Variants in ERAP1 observed in about 807,000 individuals in gnomAD.
The protein encoded by ERAP1 is adipocyte-derived leucine aminopeptidase.
Under a neutral mutation model 103.7 loss-of-function variants are expected in ERAP1, and 86 were observed. The ratio of observed to expected loss-of-function variants is 0.83; its 90% CI spans 0.70 to 0.99. The LOEUF is 0.99. ERAP1 is among the 50% of genes least tolerant of loss of function. ERAP1 has a pLI of 0.00. For synonymous variants in ERAP1, 398 were observed against 402.4 expected (o/e 0.99, Z 0.13); for missense variants, 1,009 against 1,128.4 (o/e 0.89, Z 1.52).
the ERAP1 span, among the ~76,000 whole-genome samples, chr5:96,834,869 A>G: frequency 3.3e-5 from 5 of 152,364 alleles, no homozygotes; most frequent in East Asian, 9.6e-4. Flanking sequence ...TTACACAAAG[A>G]AACACTGCAT....
At chr5:96,925,037 A>G in the ERAP1 span, among the ~76,000 whole-genome samples, 1 of 152,232 alleles carries the variant, frequency 6.6e-6, no homozygotes, top group African/African-American at 2.4e-5. Context: ...CCTAGGGCTT[A>G]GATGCCAACT....
At chr5:96,786,667 T>C (rs764154080) in intron 11 of ERAP1, 118 bp from the exon 12 acceptor site, 4 of 694,976 alleles carry the variant, frequency 5.8e-6, no homozygotes, top group Non-Finnish European at 1.0e-5. Context: ...CCAAAACTGC[T>C]ACAGCCAAGC....
At chr5:96,815,414 ATT>A in the ERAP1 span, among the ~76,000 whole-genome samples, 1 of 141,240 alleles carries the variant, frequency 7.1e-6, no homozygotes, top group Admixed American at 7.2e-5. Flanking sequence ...TTTGTTTTTT[ATT>A]TTTTTTTTTT....
At chr5:96,812,052 T>C (rs1015899497), upstream of ERAP1, among the ~76,000 whole-genome samples, 3 of 152,250 alleles carry the variant, frequency 2.0e-5, no homozygotes, top group Non-Finnish European at 4.4e-5. Flanking sequence ...TTTGTATTTC[T>C]TTCATCACTA....
intron 1 of ERAP1, among the ~76,000 whole-genome samples, chr5:96,806,305 C>T (rs1368928984): frequency 6.6e-6 from 1 of 152,082 alleles, no homozygotes; most frequent in Non-Finnish European, 1.5e-5. Flanking sequence ...AAAGAAAGCT[C>T]TCAAAAACAG....
chr5:96,895,278 G>A, the ERAP1 span: 20 of 1,612,606 alleles, frequency 1.2e-5, no homozygotes, highest in South Asian at 2.0e-4. Context: ...TGGAATGGTG[G>A]AATGATATTT....
the ERAP1 span, among the ~76,000 whole-genome samples, chr5:96,924,624 C>G: frequency 2.0e-5 from 3 of 148,272 alleles, no homozygotes; most frequent in African/African-American, 7.5e-5. Context: ...GAAATGTAGT[C>G]TTGCTGTTGC....
chr5:96,900,150 T>C, the ERAP1 span: 1 of 1,613,890 alleles, frequency 6.2e-7, no homozygotes, highest in East Asian at 2.2e-5. Context: ...TTACATCTGG[T>C]GGAGTTTGTC....
chr5:96,777,266 G>A (rs1265986842), intron 18 of ERAP1, among the ~76,000 whole-genome samples: 2 of 152,154 alleles, frequency 1.3e-5, no homozygotes, highest in East Asian at 1.9e-4. Context: ...ACCATTGTGC[G>A]ATTCTGTTTC....
chr5:96,926,436 C>T, the ERAP1 span, among the ~76,000 whole-genome samples: 10 of 152,162 alleles, frequency 6.6e-5, no homozygotes, highest in Admixed American at 2.0e-4. Flanking sequence ...TAACAAAAAA[C>T]CCTATACTTA....
chr5:96,830,899 G>A, the ERAP1 span, among the ~76,000 whole-genome samples: 1 of 152,138 alleles, frequency 6.6e-6, no homozygotes, highest in Non-Finnish European at 1.5e-5. Flanking sequence ...CAGGATCCCT[G>A]CAAATACCAA....
chr5:96,858,508 A>C, the ERAP1 span, among the ~76,000 whole-genome samples: 1 of 152,170 alleles, frequency 6.6e-6, no homozygotes, highest in Non-Finnish European at 1.5e-5. Flanking sequence ...ATTGTAAATT[A>C]TTCTTCACTT....
chr5:96,881,802 A>G, the ERAP1 span, among the ~76,000 whole-genome samples: 1 of 152,164 alleles, frequency 6.6e-6, no homozygotes, highest in African/African-American at 2.4e-5. Flanking sequence ...AAAAAGAAAC[A>G]TTCCACTTGA....
At chr5:96,880,038 C>T in the ERAP1 span, 10 of 1,613,976 alleles carry the variant, frequency 6.2e-6, no homozygotes, top group South Asian at 4.4e-5. Context: ...CTTGAAATCA[C>T]GAATGCCACC....
At chr5:96,892,471 C>A in the ERAP1 span, 1 of 1,613,216 alleles carries the variant, frequency 6.2e-7, no homozygotes, top group Non-Finnish European at 8.5e-7. Context: ...GCACTCATGA[C>A]ATTATCTCGA....
At chr5:96,930,175 C>A in the ERAP1 span, among the ~76,000 whole-genome samples, 69,351 of 152,026 alleles carry the variant, frequency 0.46, 15,907 homozygotes, top group Non-Finnish European at 0.49. Flanking sequence ...AGATTCCACC[C>A]CTAATATCAA....
At chr5:96,873,496 T>C in the ERAP1 span, 1 of 455,096 alleles carries the variant, frequency 2.2e-6, no homozygotes, top group African/African-American at 2.0e-5. Context: ...CAAAGTGGCT[T>C]CTTGGGGCTG....
chr5:96,917,470 A>AT, the ERAP1 span: 4 of 1,610,654 alleles, frequency 2.5e-6, no homozygotes, highest in Non-Finnish European at 3.4e-6. Context: ...AGGTGAAACT[A>AT]TTTTTTGAAT....
the ERAP1 span, among the ~76,000 whole-genome samples, chr5:96,824,777 A>T: frequency 1.3e-5 from 2 of 152,248 alleles, no homozygotes; most frequent in Non-Finnish European, 2.9e-5. Context: ...GGCCAGGCAC[A>T]GTGGCCCACA....
Sources: allele counts gnomAD v4.1 joint callset (sites outside exome capture counted in the v4.1 genomes callset), GRCh38; gene constraint gnomAD v4.1.1; transcripts MANE v1.5; gene names NCBI Gene and HGNC (gene_info 2026-07-23, HGNC 2026-07-21).